Variants in TBC1D15 observed in about 807,000 individuals in gnomAD.
The protein encoded by TBC1D15 is TBC1 domain family member 15, also known as GAP for RAB7.
TBC1D15 carries 39 observed loss-of-function variants against 95.4 expected under a neutral mutation model. The ratio of observed to expected loss-of-function variants is 0.41; its 90% confidence interval spans 0.32 to 0.53. The LOEUF is 0.53. TBC1D15 is among the 20% of genes least tolerant of loss of function. TBC1D15 has a pLI of 0.29. For synonymous variants in TBC1D15, 258 were observed against 261.3 expected, an observed-to-expected ratio of 0.99 and a Z score of 0.12; for missense variants, 733 against 794.3, an observed-to-expected ratio of 0.92 and a Z score of 0.93.
intron 11 of TBC1D15, among the ~76,000 whole-genome samples, chr12:71,908,445 A>C (rs1901359112): frequency 6.6e-6 from 1 of 152,166 alleles, no homozygotes; most frequent in South Asian, 2.1e-4. Context: ...TCCTTTAGAG[A>C]AGGTGGTTGG....
chr12:71,890,977 C>T (rs767573541), intron 5 of TBC1D15, among the ~76,000 whole-genome samples: 15 of 152,138 alleles, frequency 9.9e-5, no homozygotes, highest in Non-Finnish European at 2.1e-4. Flanking sequence ...TGCAAATATC[C>T]AAGCAGTAAA....
chr12:71,920,415 C>T (rs995779702), intron 14 of TBC1D15, among the ~76,000 whole-genome samples: 3 of 152,164 alleles, frequency 2.0e-5, no homozygotes, highest in Non-Finnish European at 2.9e-5. Context: ...CTAACCCTTA[C>T]ACCTTAACCT....
intron 1 of TBC1D15, among the ~76,000 whole-genome samples, chr12:71,858,142 G>A (rs900543662): frequency 2.0e-5 from 3 of 151,612 alleles, no homozygotes; most frequent in African/African-American, 4.8e-5. Context: ...GCGTGACCTC[G>A]GCTCACCGCA....
intron 7 of TBC1D15, 73 bp from the exon 8 acceptor site, chr12:71,895,874 T>A (rs1898055002): frequency 7.1e-7 from 1 of 1,417,974 alleles, no homozygotes; most frequent in Non-Finnish European, 9.6e-7. Context: ...GTATTTTAAA[T>A]TTAGTTTCTA....
chr12:71,869,576 T>G (rs764579272), intron 1 of TBC1D15, among the ~76,000 whole-genome samples: 3 of 151,988 alleles, frequency 2.0e-5, no homozygotes, highest in Non-Finnish European at 4.4e-5. Context: ...AATTAAACAG[T>G]GGTTACCACT....
At chr12:71,878,524 GT>G (rs370164488) in intron 3 of TBC1D15, among the ~76,000 whole-genome samples, 22 of 143,722 alleles carry the variant, frequency 1.5e-4, no homozygotes, top group Admixed American at 6.3e-4. Flanking sequence ...GAGGGTTTTT[GT>G]TTTTTTTTTT....
intron 3 of TBC1D15, 125 bp downstream of exon 3, chr12:71,873,128 A>T: frequency 6.3e-6 from 4 of 632,406 alleles, no homozygotes; most frequent in Non-Finnish European, 1.0e-5. Flanking sequence ...TTTTTAGCAT[A>T]TTTACAGAGT....
At chr12:71,887,801 T>G (rs1202576432) in intron 5 of TBC1D15, among the ~76,000 whole-genome samples, 2 of 152,254 alleles carry the variant, frequency 1.3e-5, no homozygotes, top group Admixed American at 6.5e-5. Flanking sequence ...AATGTATACT[T>G]CTGAAGGATA....
At chr12:71,848,944 C>T (rs1271878283) in intron 1 of TBC1D15, among the ~76,000 whole-genome samples, 1 of 152,070 alleles carries the variant, frequency 6.6e-6, no homozygotes, top group Non-Finnish European at 1.5e-5. Flanking sequence ...TCTGTTGCCT[C>T]ACATCATGTC....
rs766444531 is a variant in TBC1D15, at chr12:71,917,765, G to A, written c.1469G>A (p.Arg490Gln). ...TQLIQLSTLLRLLDSGFCSYL... is the reference protein window; with the variant it reads ...TQLIQLSTLLQLLDSGFCSYL... Reference sequence around the variant, plus strand: ...CTAATTCAGCTGAGTACCTTACTTCGATTGTTAGACAGTGGATTTTGCAGT... The same window carrying A: ...CTAATTCAGCTGAGTACCTTACTTCAATTGTTAGACAGTGGATTTTGCAGT... Residue 490 changes from arginine (R) to glutamine (Q), a missense_variant, in exon 13 of 17, where the codon CGA becomes CAA. Physicochemically the swap from Arg to Gln is conservative, Grantham distance 43. Transcript: ENST00000485960. The A allele has an allele frequency of 4.3e-6, 7 of 1,612,756 alleles. No homozygotes were observed. The highest frequency in any genetic ancestry group is 2.2e-5 in the East Asian group (1 of 44,842).
At chr12:71,892,445 T>G (rs943290752) in intron 5 of TBC1D15, among the ~76,000 whole-genome samples, 1 of 151,980 alleles carries the variant, frequency 6.6e-6, no homozygotes, top group Non-Finnish European at 1.5e-5. Flanking sequence ...ATTTGTAGAT[T>G]TATTAGAACT....
intron 10 of TBC1D15, among the ~76,000 whole-genome samples, chr12:71,900,530 T>G (rs1899142476): frequency 6.6e-6 from 1 of 152,158 alleles, no homozygotes; most frequent in South Asian, 2.1e-4. Context: ...GGGATATTTC[T>G]GAAAACCAAA....
chr12:71,847,412 T>C (rs1350796223), intron 1 of TBC1D15, among the ~76,000 whole-genome samples: 4 of 152,106 alleles, frequency 2.6e-5, no homozygotes, highest in Admixed American at 6.6e-5. Flanking sequence ...ATAATATCCA[T>C]TGGGCCAGGC....
intron 1 of TBC1D15, among the ~76,000 whole-genome samples, chr12:71,858,419 C>T (rs1257723162): frequency 6.6e-6 from 1 of 151,610 alleles, no homozygotes; most frequent in Non-Finnish European, 1.5e-5. Flanking sequence ...CTTAGATTGA[C>T]TCCGTATCTT....
chr12:71,916,170 GC>G (rs1903657590), intron 12 of TBC1D15, among the ~76,000 whole-genome samples: 1 of 151,756 alleles, frequency 6.6e-6, no homozygotes, highest in Non-Finnish European at 1.5e-5. Flanking sequence ...CCCCTCCCCT[GC>G]CCCATACAGA....
intron 10 of TBC1D15, among the ~76,000 whole-genome samples, chr12:71,900,317 A>T (rs1899078188): frequency 6.6e-6 from 1 of 152,174 alleles, no homozygotes. Flanking sequence ...AGAGACAGTT[A>T]AGAAGGCTCA....
intron 11 of TBC1D15, among the ~76,000 whole-genome samples, chr12:71,911,539 C>T (rs958416574): frequency 7.2e-4 from 106 of 146,496 alleles, no homozygotes; most frequent in South Asian, 3.2e-3. Context: ...AACCAAACAC[C>T]GCATGTTCTC....
chr12:71,840,452 G>A (rs866405661), intron 1 of TBC1D15, among the ~76,000 whole-genome samples: 1 of 152,198 alleles, frequency 6.6e-6, no homozygotes, highest in Non-Finnish European at 1.5e-5. Context: ...ATTTCAGTAG[G>A]AGTATTGGTC....
intron 1 of TBC1D15, among the ~76,000 whole-genome samples, chr12:71,863,666 A>G (rs1890861964): frequency 6.6e-6 from 1 of 152,218 alleles, no homozygotes; most frequent in Admixed American, 6.5e-5. Flanking sequence ...GTGCCAAAAT[A>G]GGAATATATG....
Sources: gnomAD v4.1 joint callset for allele counts (sites outside exome capture counted in the v4.1 genomes callset) on GRCh38, gnomAD v4.1.1 for gene constraint, MANE v1.5 for transcripts, NCBI Gene and HGNC (gene_info 2026-07-23, HGNC 2026-07-21) for gene names.